OPHN1: variants seen among roughly 807,000 people sequenced by gnomAD.
OPHN1 encodes the protein oligophrenin-1.
Under a neutral mutation model 60.7 loss-of-function variants are expected in OPHN1, and 11 were observed. The observed-to-expected ratio is 0.18, with a 90% CI of 0.11 to 0.30. The LOEUF is 0.30. Ranked by LOEUF, OPHN1 falls within the 10% of genes least tolerant of loss-of-function variation. The pLI, the probability that OPHN1 is intolerant of heterozygous loss-of-function variation, is 1.00. For missense variants in OPHN1, 449 were observed against 611.0 expected (o/e 0.73, Z 2.80); for synonymous variants, 226 against 222.6 (o/e 1.02, Z -0.14).
intron 15 of OPHN1, among the ~76,000 whole-genome samples, chrX:68,153,879 C>T (rs1337399142): frequency 9.0e-6 from 1 of 111,060 alleles, no homozygotes; most frequent in African/African-American, 3.3e-5. Context: ...ACACTGTAGC[C>T]CTGGACTACT....
chrX:68,351,346 T>G (rs903938500), intron 2 of OPHN1, among the ~76,000 whole-genome samples: 2 of 111,687 alleles, frequency 1.8e-5, no homozygotes, highest in South Asian at 7.4e-4. Context: ...ACCTCACCAC[T>G]GACTGTAAAC....
chrX:68,219,569 T>C (rs2077640057), intron 6 of OPHN1, among the ~76,000 whole-genome samples: 1 of 110,354 alleles, frequency 9.1e-6, no homozygotes, highest in East Asian at 2.9e-4. Context: ...ACAGAAATTA[T>C]AACAAACTAT....
intron 2 of OPHN1, among the ~76,000 whole-genome samples, chrX:68,331,024 CTAATATA>C (rs2078291922): frequency 9.7e-6 from 1 of 103,200 alleles, no homozygotes; most frequent in African/African-American, 3.5e-5. Context: ...TAGTATATAT[CTAATATA>C]TATCTCATAT....
rs1020722761 is a variant in OPHN1 at position 68,227,251 on chromosome X, A to G, written c.486+7236T>C. 2.7e-5 allele frequency among the ~76,000 whole-genome samples: 3 copies of G among 111,654 alleles called. No homozygotes were observed. The Admixed American group carries it at 2.9e-4, about 11-fold the overall frequency. ...ACCCAATACAGGAGCACACAGATTCATAAAGCAAGTCCTTAGAGACCGAGA... is the reference window on the plus strand; with the variant it reads ...ACCCAATACAGGAGCACACAGATTCGTAAAGCAAGTCCTTAGAGACCGAGA... On this transcript the variant is annotated intron_variant, in intron 6 of 24. Transcript: ENST00000355520.
chrX:68,430,963 C>T (rs1471298270), intron 2 of OPHN1, among the ~76,000 whole-genome samples: 1 of 111,731 alleles, frequency 9.0e-6, no homozygotes, highest in East Asian at 2.8e-4. Context: ...CTCTGATATG[C>T]CTTAGCTGGT....
chrX:68,400,609 C>CT lies in OPHN1; in HGVS notation c.154+32257dup, dbSNP rs1365034623. Among the ~76,000 whole-genome samples, 77 of 93,092 alleles carry CT rather than the reference C, an allele frequency of 8.3e-4. 1 individual carries two copies. Among genetic ancestry groups the CT allele is most frequent in the Admixed American group, 2.8e-3 (23 of 8,231 alleles). The allele number at this position is 93,092 out of a possible 115,157, so 80.8% of individuals were successfully genotyped here. A position where few individuals can be genotyped will look rare whatever the true frequency, so the allele number is the denominator to read the frequency against. Reference sequence around the variant, plus strand: ...CTCTTTTTTTTCTTTTTTCTTTTTTCTTTTTTTTTTGAGATGGAGTCTCGC... The same window carrying CT: ...CTCTTTTTTTTCTTTTTTCTTTTTTCTTTTTTTTTTTGAGATGGAGTCTCGC... On this transcript the variant is annotated intron_variant, in intron 2 of 24. Coordinates refer to ENST00000355520, the MANE Select transcript of OPHN1 (RefSeq NM_002547.3).
chrX:68,058,806 C>G (rs1008625762), intron 21 of OPHN1, among the ~76,000 whole-genome samples: 2 of 111,945 alleles, frequency 1.8e-5, no homozygotes, highest in African/African-American at 6.5e-5. Context: ...GTTGAGAAAA[C>G]TGGCTCAAAG....
intron 6 of OPHN1, among the ~76,000 whole-genome samples, chrX:68,230,749 C>T (rs1475431569): frequency 1.3e-5 from 1 of 76,996 alleles, no homozygotes; most frequent in Non-Finnish European, 2.3e-5. Context: ...GAACATCACA[C>T]ACTGGAGCTT....
At chrX:68,182,542 A>C (rs1005953494) in intron 15 of OPHN1, among the ~76,000 whole-genome samples, 3 of 111,460 alleles carry the variant, frequency 2.7e-5, no homozygotes, top group African/African-American at 9.8e-5. Flanking sequence ...CCCAGAGATA[A>C]GAGCACCAAG....
chrX:68,093,866 T>C (rs2077028010), intron 19 of OPHN1, among the ~76,000 whole-genome samples: 1 of 111,106 alleles, frequency 9.0e-6, no homozygotes, highest in Admixed American at 9.6e-5. Context: ...GGTAGCTTTT[T>C]TTTCCATCTT....
At chrX:68,097,103 C>G in intron 18 of OPHN1, 74 bp from the exon 19 acceptor site, 1 of 1,012,214 alleles carries the variant, frequency 9.9e-7, no homozygotes, top group Non-Finnish European at 1.3e-6. Context: ...GTTTTAGGTG[C>G]TGTAGAGGGT....
chrX:68,430,554 G>A (rs2078880863), intron 2 of OPHN1, among the ~76,000 whole-genome samples: 1 of 111,549 alleles, frequency 9.0e-6, no homozygotes, highest in Admixed American at 9.6e-5. Flanking sequence ...CAGGCGTGGT[G>A]GCTCATCCCT....
Position 68,193,968 on chromosome X carries a change from G to GA in OPHN1, c.1139-17dup, listed in dbSNP as rs771609516. 8.3e-5 allele frequency: 99 copies of GA among 1,187,192 alleles called. No homozygotes were observed. The South Asian group carries it at 1.1e-3, about 13-fold the overall frequency. The stretch of plus-strand genomic sequence containing the variant: ...TTTAGCTCCACTGTTTCAAGCAAAG[G>GA]AAAAGAGTTAGATCCTGCTGCAACA... On this transcript the variant is annotated splice_polypyrimidine_tract_variant and intron_variant, in intron 13 of 24. Transcript: ENST00000355520.
rs1430776125 is a variant in OPHN1 at position 68,160,867 on chromosome X, A to G, written c.1276+32052T>C. Among the ~76,000 whole-genome samples, 6 of 110,926 alleles carry G rather than the reference A, an allele frequency of 5.4e-5. No homozygotes were observed. In the Admixed American group the frequency reaches 5.8e-4, roughly 11 times the overall value. ...TAACTTCTTACCTTAAGGCCCTGGGAAAATAGCAAAGTAAACCTAACAGCA... is the reference window on the plus strand; with the variant it reads ...TAACTTCTTACCTTAAGGCCCTGGGGAAATAGCAAAGTAAACCTAACAGCA... On this transcript the variant is annotated intron_variant, in intron 15 of 24. Coordinates refer to ENST00000355520, the MANE Select transcript of OPHN1 (RefSeq NM_002547.3).
intron 15 of OPHN1, among the ~76,000 whole-genome samples, chrX:68,143,941 T>C (rs1243771027): frequency 9.0e-6 from 1 of 111,582 alleles, no homozygotes; most frequent in Non-Finnish European, 1.9e-5. Flanking sequence ...AACTGGGAGG[T>C]TATCTTGAAG....
chrX:68,205,856 G>C (rs1490675435), intron 10 of OPHN1, among the ~76,000 whole-genome samples: 2 of 111,648 alleles, frequency 1.8e-5, no homozygotes, highest in African/African-American at 6.5e-5. Flanking sequence ...GACCCTGTCT[G>C]AGAGCCAGTT....
intron 2 of OPHN1, among the ~76,000 whole-genome samples, chrX:68,351,841 T>C (rs1874412296): frequency 9.7e-6 from 1 of 103,391 alleles, no homozygotes; most frequent in Non-Finnish European, 2.0e-5. Flanking sequence ...GGATTACAGG[T>C]GCCTGCCACC....
At chrX:68,346,927 T>C in intron 2 of OPHN1, among the ~76,000 whole-genome samples, 1 of 112,550 alleles carries the variant, frequency 8.9e-6, no homozygotes. Context: ...TTTGTTTACC[T>C]ACCTTGTGAC....
chrX:68,164,321 C>T (rs2077348538), intron 15 of OPHN1, among the ~76,000 whole-genome samples: 1 of 111,939 alleles, frequency 8.9e-6, no homozygotes, highest in Admixed American at 9.5e-5. Flanking sequence ...TATGGCCTTA[C>T]AAAATGTATT....
Sources: gnomAD v4.1 joint callset for allele counts (sites outside exome capture counted in the v4.1 genomes callset) on GRCh38, gnomAD v4.1.1 for gene constraint, MANE v1.5 for transcripts, NCBI Gene and HGNC (gene_info 2026-07-23, HGNC 2026-07-21) for gene names.